Variants in CDH13 observed in about 807,000 individuals in gnomAD.
CDH13 encodes cadherin-13.
A neutral mutation model predicts 63.8 loss-of-function variants in CDH13; 24 were observed. The ratio of observed to expected loss-of-function variants is 0.38; its 90% CI spans 0.27 to 0.53. The LOEUF (loss-of-function observed/expected upper bound fraction) is 0.53. Ranked by LOEUF, CDH13 falls within the 20% of genes least tolerant of loss-of-function variation. The probability of loss-of-function intolerance (pLI) is 0.85; values close to 1 mark genes in which losing one functional copy is unlikely to be tolerated. For synonymous variants in CDH13, 503 were observed against 355.3 expected (o/e 1.42, Z -4.67); for missense variants, 1,049 against 903.1 (o/e 1.16, Z -2.07).
intron 1 of CDH13, among the ~76,000 whole-genome samples, chr16:82,842,880 C>T (rs1245752179): frequency 2.6e-5 from 4 of 152,074 alleles, no homozygotes; most frequent in Non-Finnish European, 1.5e-5. Flanking sequence ...AACCTAGATC[C>T]GTTACATGTG....
At chr16:82,798,971 G>GTA (rs1212061719) in intron 1 of CDH13, among the ~76,000 whole-genome samples, 1 of 152,066 alleles carries the variant, frequency 6.6e-6, no homozygotes, top group Non-Finnish European at 1.5e-5. Flanking sequence ...AGTTATTTAG[G>GTA]ACCTGACAGA....
intron 2 of CDH13, among the ~76,000 whole-genome samples, chr16:82,871,424 T>C (rs549494952): frequency 3.3e-5 from 5 of 152,250 alleles, no homozygotes; most frequent in East Asian, 1.9e-4. Context: ...AGGAGTGTTA[T>C]TGGGGAGCAC....
rs530603134 is a variant in CDH13, at chr16:83,477,982, C to G, written c.782-8495C>G. ...GGATCACGAGGTCAGGAGATCGAGACCATCCTGACTAACATGGTGAAACCT... is the reference window on the plus strand; with the variant it reads ...GGATCACGAGGTCAGGAGATCGAGAGCATCCTGACTAACATGGTGAAACCT... On this transcript the variant is annotated intron_variant, in intron 6 of 13. Coordinates refer to ENST00000567109, the MANE Select transcript of CDH13 (RefSeq NM_001257.5). 2.7e-3 allele frequency among the ~76,000 whole-genome samples: 411 copies of G among 152,046 alleles called. 2 individuals are homozygous for G. The highest frequency in any genetic ancestry group is 9.7e-3 in the African/African-American group (403 of 41,468).
intron 6 of CDH13, among the ~76,000 whole-genome samples, chr16:83,454,696 C>T (rs1279277128): frequency 1.5e-5 from 2 of 135,776 alleles, no homozygotes; most frequent in Non-Finnish European, 3.1e-5. Context: ...ATATGTAGAA[C>T]CTAAATATGT....
chr16:83,696,763 C>G (rs1598498957), intron 10 of CDH13, among the ~76,000 whole-genome samples: 1 of 152,202 alleles, frequency 6.6e-6, no homozygotes, highest in South Asian at 2.1e-4. Flanking sequence ...CCACCACCAT[C>G]GTTCACCCAG....
rs141858813 is a variant in CDH13, at chr16:83,309,597, G to A, written c.637-35265G>A. 3.1e-3 allele frequency among the ~76,000 whole-genome samples: 465 copies of A among 152,156 alleles called. 2 individuals carry two copies. Among genetic ancestry groups the A allele is most frequent in the African/African-American group, 0.011 (438 of 41,534 alleles). ...TCACCATGTTGGTCAGGCTGATCTC[G>A]AACTCCTGACCTCGTGATCCACCCA... On this transcript the variant is annotated intron_variant, in intron 5 of 13. Coordinates refer to ENST00000567109, the MANE Select transcript of CDH13 (RefSeq NM_001257.5).
intron 8 of CDH13, among the ~76,000 whole-genome samples, chr16:83,647,814 C>G (rs1048975996): frequency 7.9e-5 from 12 of 152,102 alleles, no homozygotes; most frequent in African/African-American, 2.9e-4. Flanking sequence ...GAGATTCTGT[C>G]CAGGAGTCTC....
intron 2 of CDH13, among the ~76,000 whole-genome samples, chr16:83,013,645 G>C (rs1247723580): frequency 1.3e-5 from 2 of 152,190 alleles, no homozygotes; most frequent in African/African-American, 2.4e-5. Flanking sequence ...TCAGTAACTT[G>C]TCTATTCCTC....
intron 2 of CDH13, among the ~76,000 whole-genome samples, chr16:82,883,172 G>C (rs770177911): frequency 2.9e-4 from 44 of 152,198 alleles, no homozygotes; most frequent in African/African-American, 4.1e-4. Flanking sequence ...GGCTTGAAGT[G>C]CATGCCAGTT....
chr16:82,703,466 C>T lies in CDH13; in HGVS notation c.45+76329C>T, dbSNP rs567930109. On this transcript the variant is annotated intron_variant, in intron 1 of 13. Transcript: ENST00000567109. ...AATACAGATGGAGGATAAATTTCCCCACTCCCTTGCCCCTTTGGAGATGTA... is the reference window on the plus strand; with the variant it reads ...AATACAGATGGAGGATAAATTTCCCTACTCCCTTGCCCCTTTGGAGATGTA... Among the ~76,000 whole-genome samples, 5 of 152,228 alleles carry T rather than the reference C, an allele frequency of 3.3e-5. No homozygotes were observed. The East Asian group carries it at 5.8e-4, about 18-fold the overall frequency.
At chr16:83,647,601 T>A (rs1288993304) in intron 8 of CDH13, among the ~76,000 whole-genome samples, 2 of 152,226 alleles carry the variant, frequency 1.3e-5, no homozygotes, top group Non-Finnish European at 2.9e-5. Context: ...ATCAAGGGAC[T>A]CTGTTTCCAT....
chr16:83,733,591 C>T (rs1252863691), intron 10 of CDH13, among the ~76,000 whole-genome samples: 1 of 152,352 alleles, frequency 6.6e-6, no homozygotes, highest in East Asian at 1.9e-4. Context: ...CAGCTGGCTT[C>T]ATTTATTGAC....
At position 83,300,599 on chromosome 16, in the gene CDH13, G is replaced by A. The variant is rs142982040; in HGVS notation, c.637-44263G>A. On this transcript the variant is annotated intron_variant, in intron 5 of 13. Coordinates refer to ENST00000567109, the MANE Select transcript of CDH13 (RefSeq NM_001257.5). ...TTGGCACCATGCCAGGCAGGGTCTG[G>A]GGACGCAGTGTTGGACAACATGAAT... is the stretch of plus-strand genomic sequence containing the variant. Among the ~76,000 whole-genome samples, 722 of 152,280 alleles carry A rather than the reference G, an allele frequency of 4.7e-3. 6 individuals are homozygous for A. The highest frequency in any genetic ancestry group is 0.017 in the African/African-American group (698 of 41,528).
At chr16:83,564,951 G>C (rs2075767312) in intron 7 of CDH13, among the ~76,000 whole-genome samples, 1 of 152,120 alleles carries the variant, frequency 6.6e-6, no homozygotes, top group South Asian at 2.1e-4. Context: ...TTGTTTGTTT[G>C]TTGTTTTCAG....
At chr16:82,724,978 G>C (rs557240839) in intron 1 of CDH13, among the ~76,000 whole-genome samples, 1 of 152,290 alleles carries the variant, frequency 6.6e-6, no homozygotes, top group African/African-American at 2.4e-5. Flanking sequence ...AAATAAGATG[G>C]CTTCTTAAGG....
chr16:82,937,884 G>T (rs1431623095), intron 2 of CDH13, among the ~76,000 whole-genome samples: 1 of 152,146 alleles, frequency 6.6e-6, no homozygotes. Flanking sequence ...ACAATTGGAT[G>T]GAGGTAAAAA....
chr16:83,690,910 T>C (rs1314567835), intron 10 of CDH13, among the ~76,000 whole-genome samples: 2 of 152,008 alleles, frequency 1.3e-5, no homozygotes, highest in Non-Finnish European at 2.9e-5. Flanking sequence ...TTAATAAAGA[T>C]GGGGCTTCAC....
At chr16:83,111,040 C>A (rs1322404703) in intron 3 of CDH13, among the ~76,000 whole-genome samples, 1 of 138,370 alleles carries the variant, frequency 7.2e-6, no homozygotes, top group African/African-American at 2.7e-5. Context: ...GGCGTGGTGT[C>A]GGGTGCCTGT....
chr16:82,792,233 C>G (rs548950861), intron 1 of CDH13, among the ~76,000 whole-genome samples: 2 of 152,084 alleles, frequency 1.3e-5, no homozygotes, highest in African/African-American at 4.8e-5. Context: ...GGATTCCTGC[C>G]GCGTGGGCTG....
Sources: allele counts gnomAD v4.1 joint callset (sites outside exome capture counted in the v4.1 genomes callset), GRCh38; gene constraint gnomAD v4.1.1; transcripts MANE v1.5; gene names NCBI Gene and HGNC (gene_info 2026-07-23, HGNC 2026-07-21).